PUS10: variants seen among roughly 807,000 people sequenced by gnomAD.
PUS10 encodes pseudouridine synthase 10.
Under a neutral mutation model 75.0 loss-of-function variants are expected in PUS10, and 59 were observed. That is an observed-to-expected ratio of 0.79 (90% CI 0.64 to 0.98). The LOEUF (loss-of-function observed/expected upper bound fraction) is 0.98. Ranked by LOEUF, PUS10 falls within the 50% of genes least tolerant of loss-of-function variation. The pLI is 0.00. For missense variants in PUS10, 650 were observed against 614.4 expected, an observed-to-expected ratio of 1.06 and a Z score of -0.61; for synonymous variants, 219 against 211.6, an observed-to-expected ratio of 1.03 and a Z score of -0.30.
chr2:60,949,473 G>A (rs568063381), intron 15 of PUS10, among the ~76,000 whole-genome samples: 67 of 152,170 alleles, frequency 4.4e-4, no homozygotes, highest in African/African-American at 1.3e-3. Flanking sequence ...GTTGACAAAA[G>A]GAAACCACTT....
chr2:60,944,154 G>C, intron 17 of PUS10: 1 of 870,142 alleles, frequency 1.1e-6, no homozygotes, highest in Non-Finnish European at 1.4e-6. Flanking sequence ...GATGAGTAGA[G>C]ATTTTCTTTA....
At position 60,942,205 on chromosome 2, in the gene PUS10, A is replaced by G. The variant is rs1674660102; in HGVS notation, c.*190T>C. 1 of 533,852 alleles carries G rather than the reference A, an allele frequency of 1.9e-6. No homozygotes were observed. The highest frequency in any genetic ancestry group is 3.0e-5 in the East Asian group (1 of 33,472). The allele number at this position is 533,852 out of a possible 1,614,324, so 33.1% of individuals were successfully genotyped here. ...AAAATCCTAAGACATCCTTGGAACAATTTAACACAAAATATACACATATAT... is the reference window on the plus strand; with the variant it reads ...AAAATCCTAAGACATCCTTGGAACAGTTTAACACAAAATATACACATATAT... On this transcript the variant is annotated 3_prime_UTR_variant, in exon 18 of 18. Coordinates refer to ENST00000316752, the MANE Select transcript of PUS10 (RefSeq NM_144709.4).
chr2:60,967,112 C>A, intron 6 of PUS10: 1 of 189,902 alleles, frequency 5.3e-6, no homozygotes, highest in Non-Finnish European at 1.1e-5. Context: ...TCTGTCCATG[C>A]ATTTGAAAAC....
In PUS10 at chr2:60,970,629, A is replaced by G. The variant is rs1676598818; in HGVS notation, c.503+894T>C. Among the ~76,000 whole-genome samples, 5 of 152,248 alleles carry G rather than the reference A, an allele frequency of 3.3e-5. No individual in the cohort carries two copies. In the South Asian group the frequency reaches 1.0e-3, roughly 32 times the overall value. ...TGCAGAAATATTAATATGTTTGATT[A>G]TGTAGTACCACCCCAGAGCCTGGGC... On this transcript the variant is annotated intron_variant, in intron 5 of 17. Transcript: ENST00000316752.
chr2:60,944,729 A>G (rs964131227), intron 17 of PUS10, among the ~76,000 whole-genome samples: 4 of 152,162 alleles, frequency 2.6e-5, no homozygotes, highest in African/African-American at 9.7e-5. Flanking sequence ...CAGGTATGGA[A>G]ATGACTATTT....
chr2:60,970,776 CTA>C (rs551111103), intron 5 of PUS10, among the ~76,000 whole-genome samples: 6 of 152,108 alleles, frequency 3.9e-5, no homozygotes, highest in Non-Finnish European at 7.4e-5. Flanking sequence ...GATTGTGAAT[CTA>C]TGTTTTCTAT....
At position 61,008,822 on chromosome 2, in the gene PUS10, T is replaced by A. The variant is rs1299308676; in HGVS notation, c.320A>T (p.Asn107Ile). 6.2e-7 allele frequency: 1 copy of A among 1,609,936 alleles called. No individual in the cohort carries two copies. The change falls in exon 3 of 18, where the codon AAT (asparagine) becomes ATT (isoleucine). Residue 107 changes from asparagine to isoleucine, a missense_variant. Coordinates refer to ENST00000316752, the MANE Select transcript of PUS10 (RefSeq NM_144709.4). ...GSTASKNSNL[N>I]VCNVCLGILQ... ...AATTCCTAGGCATACATTACATACA[T>A]TTAAATTTGAGTTCTTGGAAGCAGT...
intron 4 of PUS10, among the ~76,000 whole-genome samples, chr2:61,001,437 C>T (rs1159446737): frequency 2.6e-5 from 4 of 152,004 alleles, no homozygotes; most frequent in African/African-American, 9.7e-5. Flanking sequence ...CCACCACACC[C>T]GTCTAATTTT....
chr2:60,999,747 T>C (rs1678725686), intron 4 of PUS10, among the ~76,000 whole-genome samples: 1 of 152,208 alleles, frequency 6.6e-6, no homozygotes, highest in Admixed American at 6.5e-5. Context: ...CTTGGCCAAG[T>C]ACATTGGCAC....
intron 4 of PUS10, among the ~76,000 whole-genome samples, chr2:60,983,669 T>C (rs569925605): frequency 2.0e-5 from 3 of 150,926 alleles, no homozygotes; most frequent in African/African-American, 7.3e-5. Context: ...AAGAGCAAAA[T>C]TGCATCTCAA....
chr2:60,971,764 T>G (rs1676677717), intron 4 of PUS10, among the ~76,000 whole-genome samples: 1 of 152,202 alleles, frequency 6.6e-6, no homozygotes, highest in Admixed American at 6.5e-5. Context: ...CAATGGTGGT[T>G]TACTGTGGCC....
Position 61,007,330 on chromosome 2 carries a change from C to T in PUS10, c.382-687G>A, listed in dbSNP as rs371075007. Among the ~76,000 whole-genome samples, 30 of 151,884 alleles carry T rather than the reference C, an allele frequency of 2.0e-4. 2 individuals carry two copies. The highest frequency in any genetic ancestry group is 9.7e-4 in the East Asian group (5 of 5,162). On this transcript the variant is annotated intron_variant, in intron 3 of 17. Coordinates refer to ENST00000316752, the MANE Select transcript of PUS10 (RefSeq NM_144709.4). ...AAATTCTTGGACCTGGGCATGGTGG[C>T]GTGCACCTGTAGTCCCAGCTACTTG...
intron 1 of PUS10, among the ~76,000 whole-genome samples, chr2:61,012,420 T>C (rs1300753954): frequency 6.6e-6 from 1 of 152,108 alleles, no homozygotes; most frequent in East Asian, 1.9e-4. Context: ...CCCTCCTGTC[T>C]GTCTCATTCT....
intron 4 of PUS10, among the ~76,000 whole-genome samples, chr2:60,972,786 T>G (rs1216865624): frequency 1.3e-5 from 2 of 152,254 alleles, no homozygotes; most frequent in African/African-American, 4.8e-5. Context: ...CTAACAGGAC[T>G]TCCTTCGGAT....
At chr2:61,009,785 A>G (rs1023472254) in intron 2 of PUS10, 1 of 152,266 alleles carries the variant, frequency 6.6e-6, no homozygotes, top group East Asian at 1.9e-4. Flanking sequence ...GAAAAAGTAT[A>G]TTTTTCAAAT....
intron 4 of PUS10, among the ~76,000 whole-genome samples, chr2:60,990,739 A>T (rs569988523): frequency 6.6e-6 from 1 of 151,966 alleles, no homozygotes; most frequent in Non-Finnish European, 1.5e-5. Flanking sequence ...CAATGTCCAA[A>T]TTTTCTTTTC....
At chr2:60,962,384 C>A (rs555437666) in intron 9 of PUS10, among the ~76,000 whole-genome samples, 9 of 152,242 alleles carry the variant, frequency 5.9e-5, no homozygotes, top group Admixed American at 5.9e-4. Flanking sequence ...CCAGCCTGGC[C>A]AACGTGGCGA....
In PUS10 at chr2:61,010,834, T is replaced by C. The variant is rs566536067; in HGVS notation, c.126+931A>G. On this transcript the variant is annotated intron_variant, in intron 2 of 17. Transcript: ENST00000316752. ...TTCAAATCCTAGCTTGCTCACTTAA[T>C]AGCTGTGTAACTTTGGGCAGGTTGC... 41 of 1,550,506 alleles carry C rather than the reference T, an allele frequency of 2.6e-5. 1 individual carries two copies. In the South Asian group the frequency reaches 4.8e-4, roughly 18 times the overall value.
intron 17 of PUS10, 37 bp downstream of exon 17, chr2:60,944,972 A>G (rs1450097011): frequency 1.3e-6 from 2 of 1,484,124 alleles, no homozygotes; most frequent in Admixed American, 1.7e-5. Context: ...GGTTGAATTC[A>G]ATTTGCCAAT....
Sources: allele counts gnomAD v4.1 joint callset (sites outside exome capture counted in the v4.1 genomes callset), GRCh38; gene constraint gnomAD v4.1.1; transcripts MANE v1.5; gene names NCBI Gene and HGNC (gene_info 2026-07-23, HGNC 2026-07-21).